The following DNAJC10 variants were observed in gnomAD, a reference collection of about 807,000 sequenced individuals.
DNAJC10 encodes the protein DnaJ heat shock protein family (Hsp40) member C10.
DNAJC10 carries 101 observed loss-of-function variants against 115.0 expected under a neutral mutation model. The observed-to-expected ratio is 0.88, with a 90% CI of 0.75 to 1.04. DNAJC10 has a LOEUF of 1.04. Ranked by LOEUF, DNAJC10 falls within the 50% of genes least tolerant of loss-of-function variation. The pLI is 0.00. For missense variants in DNAJC10, 981 were observed against 928.8 expected, an observed-to-expected ratio of 1.06 and a Z score of -0.73; for synonymous variants, 307 against 301.5, an observed-to-expected ratio of 1.02 and a Z score of -0.19.
chr2:182,778,171 C>T lies in DNAJC10; in HGVS notation c.*1039C>T, dbSNP rs2105715557. ...CTTTCGTAGTTTTGGTTTTTCACTC[C>T]TGTCCAGTCTATTTATTATTCAAAT... On this transcript the variant is annotated 3_prime_UTR_variant, in exon 24 of 24. Transcript: ENST00000264065. The T allele has an allele frequency of 6.6e-6, 1 of 152,200 alleles. No homozygotes were observed. Among genetic ancestry groups the T allele is most frequent in the South Asian group, 2.1e-4 (1 of 4,820 alleles). The allele number at this position is 152,200 out of a possible 1,614,324, so 9.4% of individuals were successfully genotyped here. A position where few individuals can be genotyped will look rare whatever the true frequency, so the allele number is the denominator to read the frequency against.
At position 182,785,155 on chromosome 2, in the gene DNAJC10, C is replaced by T. The variant is rs911012844; in HGVS notation, c.*8023C>T. On this transcript the variant is annotated 3_prime_UTR_variant, in exon 24 of 24. Transcript: ENST00000264065. ...ATAAATTTAGAAAATCATACAGGCA[C>T]ACACACTGCTATAGACATGTAAAGA... 2.6e-5 allele frequency: 4 copies of T among 152,086 alleles called. No individual in the cohort carries two copies. The highest frequency in any genetic ancestry group is 2.6e-4 in the Admixed American group (4 of 15,258). The allele number at this position is 152,086 out of a possible 1,614,324, so 9.4% of individuals were successfully genotyped here.
rs775671218 is a variant in DNAJC10 at position 182,751,837 on chromosome 2, A to C, written c.1434+52A>C. The stretch of plus-strand genomic sequence containing the variant: ...TAACATTGTCAGATCTTCTCCTGTT[A>C]TGGCAAAAAGACATTTTCTAGATAA... On this transcript the variant is annotated intron_variant, in intron 15 of 23. Coordinates refer to ENST00000264065, the MANE Select transcript of DNAJC10 (RefSeq NM_018981.4). 6.9e-6 allele frequency: 11 copies of C among 1,583,638 alleles called. No individual in the cohort carries two copies. In the East Asian group the frequency reaches 2.5e-4, roughly 35 times the overall value.
At chr2:182,727,022 A>G (rs866078657) in intron 5 of DNAJC10, among the ~76,000 whole-genome samples, 1 of 147,684 alleles carries the variant, frequency 6.8e-6, no homozygotes, top group East Asian at 2.0e-4. Context: ...CGCCCAGCCT[A>G]TTTTCTAATT....
At position 182,751,673 on chromosome 2, in the gene DNAJC10, A is replaced by G. The variant is rs756313774; in HGVS notation, c.1322A>G (p.Tyr441Cys). ...YEIHHGKKILYDILAFAKESV... is the reference protein window; with the variant it reads ...YEIHHGKKILCDILAFAKESV... ...ACTTTGAAAGGAAAGAAGATTCTAT[A>G]TGATATACTTGCCTTTGCCAAAGAA... The change falls in exon 15 of 24, where the codon TAT becomes TGT. Residue 441 changes from tyrosine to cysteine, a missense_variant. Physicochemically the swap from Tyr to Cys is radical, Grantham distance 194. Coordinates refer to ENST00000264065, the MANE Select transcript of DNAJC10 (RefSeq NM_018981.4). 3.1e-6 allele frequency: 5 copies of G among 1,613,714 alleles called. No homozygotes were observed. Among genetic ancestry groups the G allele is most frequent in the South Asian group, 2.2e-5 (2 of 90,938 alleles).
chr2:182,760,318 C>T (rs1169369770), intron 21 of DNAJC10, among the ~76,000 whole-genome samples: 1 of 152,152 alleles, frequency 6.6e-6, no homozygotes, highest in Non-Finnish European at 1.5e-5. Flanking sequence ...TGTACTGATA[C>T]AGTGCATATT....
intron 5 of DNAJC10, among the ~76,000 whole-genome samples, chr2:182,722,580 ATAAAT>A (rs1693179830): frequency 6.6e-6 from 1 of 152,198 alleles, no homozygotes; most frequent in Non-Finnish European, 1.5e-5. Context: ...TTTCAGAGCA[ATAAAT>A]TAAACTTCAA....
intron 22 of DNAJC10, among the ~76,000 whole-genome samples, chr2:182,772,097 T>G (rs1694579170): frequency 6.6e-6 from 1 of 152,044 alleles, no homozygotes; most frequent in Non-Finnish European, 1.5e-5. Flanking sequence ...CATTCAGGAG[T>G]AGGTTGTTCA....
At position 182,743,512 on chromosome 2, in the gene DNAJC10, A is replaced by G. The variant is rs1014128333; in HGVS notation, c.1192-86A>G. The G allele has an allele frequency of 9.1e-6, 8 of 883,104 alleles. No homozygotes were observed. In the African/African-American group the frequency reaches 1.3e-4, roughly 15 times the overall value. 54.7% of individuals were successfully genotyped at this position (883,104 alleles called of 1,614,324 possible). ...TGTTTAAAAACTGTGTCATTAGGGC[A>G]GTGCCATTTTTGGATTATCATGAAT... On this transcript the variant is annotated intron_variant, in intron 13 of 23. Coordinates refer to ENST00000264065, the MANE Select transcript of DNAJC10 (RefSeq NM_018981.4).
intron 18 of DNAJC10, 143 bp downstream of exon 18, chr2:182,756,612 T>C: frequency 5.0e-6 from 4 of 795,406 alleles, no homozygotes; most frequent in Non-Finnish European, 7.8e-6. Context: ...TGATTCCAGC[T>C]CTGTTTCTGT....
At position 182,777,110 on chromosome 2, in the gene DNAJC10, T is replaced by C. The variant is rs916669226; in HGVS notation, c.2371-11T>C. 2 of 1,402,222 alleles carry C rather than the reference T, an allele frequency of 1.4e-6. No individual in the cohort carries two copies. The highest frequency in any genetic ancestry group is 1.5e-5 in the African/African-American group (1 of 68,934). The allele number at this position is 1,402,222 out of a possible 1,614,324, so 86.9% of individuals were successfully genotyped here. On this transcript the variant is annotated splice_polypyrimidine_tract_variant and intron_variant, in intron 23 of 23. Transcript: ENST00000264065. ...TCTCCTTTCTCTATCGCCTTTACAT[T>C]ATTATTATAGGATGAACTTTGATAA...
chr2:182,722,667 G>A (rs535469318), intron 5 of DNAJC10, among the ~76,000 whole-genome samples: 47 of 152,202 alleles, frequency 3.1e-4, no homozygotes, highest in African/African-American at 9.6e-4. Context: ...AGCCAGGCGC[G>A]GTGGCTCACA....
chr2:182,728,226 C>T (rs749353572), intron 5 of DNAJC10, among the ~76,000 whole-genome samples: 17 of 152,124 alleles, frequency 1.1e-4, no homozygotes, highest in Admixed American at 4.6e-4. Flanking sequence ...CAAACTCTTA[C>T]GTGAGGTTTG....
chr2:182,791,640 A>C lies in DNAJC10; in HGVS notation c.*14508A>C, dbSNP rs548313471. On this transcript the variant is annotated 3_prime_UTR_variant, in exon 24 of 24. Transcript: ENST00000264065. ...TTGACAAGTGAAACCTGGCTCCAAC[A>C]ATGACTACTTTATTCTACCTCTCAT... 6.6e-6 allele frequency: 1 copy of C among 152,294 alleles called. No individual in the cohort carries two copies. Among genetic ancestry groups the C allele is most frequent in the South Asian group, 2.1e-4 (1 of 4,826 alleles). 9.4% of individuals were successfully genotyped at this position (152,294 alleles called of 1,614,324 possible). A position where few individuals can be genotyped will look rare whatever the true frequency, so the allele number is the denominator to read the frequency against.
intron 22 of DNAJC10, among the ~76,000 whole-genome samples, chr2:182,766,341 A>G (rs1694411235): frequency 6.6e-6 from 1 of 152,166 alleles, no homozygotes; most frequent in African/African-American, 2.4e-5. Flanking sequence ...GCGAATATGT[A>G]TGATGTAAAG....
chr2:182,763,182 A>C (rs1393808962), intron 22 of DNAJC10, among the ~76,000 whole-genome samples: 1 of 152,130 alleles, frequency 6.6e-6, no homozygotes, highest in Non-Finnish European at 1.5e-5. Flanking sequence ...GCTGCTTGGA[A>C]TAATATTTCC....
rs1037485063 is a variant in DNAJC10, at chr2:182,787,008, C to T, written c.*9876C>T. The T allele has an allele frequency of 2.0e-5, 3 of 152,374 alleles. No individual in the cohort carries two copies. Among genetic ancestry groups the T allele is most frequent in the Admixed American group, 2.0e-4 (3 of 15,282 alleles). 9.4% of individuals were successfully genotyped at this position (152,374 alleles called of 1,614,324 possible). On this transcript the variant is annotated 3_prime_UTR_variant, in exon 24 of 24. Transcript: ENST00000264065. ...AGCGAGCCATCTGTAAACCAACAAA[C>T]AAGGCCCTCACCAGGCACTCAATCT...
Position 182,752,067 on chromosome 2 carries a change from C to A in DNAJC10, c.1435-5C>A. The A allele has an allele frequency of 6.2e-7, 1 of 1,601,000 alleles. No individual in the cohort carries two copies. The highest frequency in any genetic ancestry group is 8.5e-7 in the Non-Finnish European group (1 of 1,171,610). On this transcript the variant is annotated splice_region_variant and splice_polypyrimidine_tract_variant and intron_variant, in intron 15 of 23. Coordinates refer to ENST00000264065, the MANE Select transcript of DNAJC10 (RefSeq NM_018981.4). ...CGGTGCTTATGAATATTTTTTCTTT[C>A]CTAGTGGTGTCCACCATGTCGAGCT...
chr2:182,730,008 G>A lies in DNAJC10; in HGVS notation c.727+67G>A. 6 of 1,035,468 alleles carry A rather than the reference G, an allele frequency of 5.8e-6. No individual in the cohort carries two copies. In the South Asian group the frequency reaches 7.1e-5, roughly 12 times the overall value. The allele number at this position is 1,035,468 out of a possible 1,614,324, so 64.1% of individuals were successfully genotyped here. On this transcript the variant is annotated intron_variant, in intron 8 of 23. Coordinates refer to ENST00000264065, the MANE Select transcript of DNAJC10 (RefSeq NM_018981.4). ...TGAAATCAGTATTTTGTTTTTAATG[G>A]CAATATTAACATTTTGGTCATGGTA...
chr2:182,777,070 T>TGA, intron 23 of DNAJC10, 51 bp from the exon 24 acceptor site: 1 of 1,236,282 alleles, frequency 8.1e-7, no homozygotes, highest in Non-Finnish European at 1.1e-6. Flanking sequence ...TTTTTAACAT[T>TGA]ACCAACTCAT....
Sources: allele counts gnomAD v4.1 joint callset (sites outside exome capture counted in the v4.1 genomes callset), GRCh38; gene constraint gnomAD v4.1.1; transcripts MANE v1.5; gene names NCBI Gene and HGNC (gene_info 2026-07-23, HGNC 2026-07-21).